The following FREM3 variants were observed in gnomAD, a reference collection of about 807,000 sequenced individuals.
FREM3 encodes the protein FRAS1-related extracellular matrix protein 3.
FREM3 carries 105 observed loss-of-function variants against 129.1 expected under a neutral mutation model. That is an observed-to-expected ratio of 0.81 (90% CI 0.69 to 0.96). The LOEUF (loss-of-function observed/expected upper bound fraction) is 0.96, where lower values mean the gene tolerates loss of function less well. Ranked by LOEUF, FREM3 falls within the 40% of genes least tolerant of loss-of-function variation. FREM3 has a pLI of 0.00. For missense variants in FREM3, 2,593 were observed against 2,666.3 expected, an observed-to-expected ratio of 0.97 and a Z score of 0.61; for synonymous variants, 1,014 against 1,044.9, an observed-to-expected ratio of 0.97 and a Z score of 0.57.
rs748874004 is a variant in FREM3 at position 143,693,179 on chromosome 4, A to G, written c.5209T>C (p.Ser1737Pro). The change falls in exon 2 of 8, where the codon TCC becomes CCC. Residue 1737 changes from serine to proline, a missense_variant. Ser to Pro is a moderately conservative substitution (Grantham distance 74). This residue lies in a region of FREM3 where 2,276 missense variants were observed against 2,267.2 expected (regional missense o/e 1.00). Transcript: ENST00000329798. ...TTGCTGCCCTCATTCAAGACATAGG[A>G]TATCTTCATCTCATCAATGTCAGCT... The part of the protein sequence containing the change: ...TQADIDEMKI[S>P]YVLNEGSNAS... 3 of 1,512,812 alleles carry G rather than the reference A, an allele frequency of 2.0e-6. No individual in the cohort carries two copies. Among genetic ancestry groups the G allele is most frequent in the East Asian group, 2.5e-5 (1 of 40,300 alleles). 93.7% of individuals were successfully genotyped at this position (1,512,812 alleles called of 1,614,324 possible).
chr4:143,661,669 A>G (rs560388513), intron 2 of FREM3, among the ~76,000 whole-genome samples: 56 of 152,312 alleles, frequency 3.7e-4, no homozygotes, highest in African/African-American at 1.3e-3. Flanking sequence ...GAATGGTACC[A>G]GTTCCTTCTT....
At position 143,697,317 on chromosome 4, in the gene FREM3, T is replaced by A; in HGVS notation, c.3359A>T (p.Lys1120Met). ...TTTTGAACCAGGAGCTGATGCAATC[T>A]TTTCCAGGTAGCCAGAGGCTGGCTG... ...TSQPASGYLEKIASAPGSKMS... is the reference protein window; with the variant it reads ...TSQPASGYLEMIASAPGSKMS... The change falls in exon 1 of 8, where the codon AAG becomes ATG. Residue 1120 changes from lysine to methionine, a missense_variant. Physicochemically the swap from Lys to Met is moderately conservative, Grantham distance 95 (BLOSUM62 -1). Transcript: ENST00000329798. The A allele has an allele frequency of 1.3e-6, 2 of 1,537,174 alleles. No individual in the cohort carries two copies. The highest frequency in any genetic ancestry group is 1.7e-6 in the Non-Finnish European group (2 of 1,146,830).
At chr4:143,621,618 TG>T (rs921119680) in intron 4 of FREM3, among the ~76,000 whole-genome samples, 2 of 152,250 alleles carry the variant, frequency 1.3e-5, no homozygotes, top group African/African-American at 4.8e-5. Context: ...GAGCAGACAC[TG>T]TGCTGGTCAT....
chr4:143,587,184 G>A (rs1738257092), intron 6 of FREM3, among the ~76,000 whole-genome samples: 1 of 152,144 alleles, frequency 6.6e-6, no homozygotes, highest in South Asian at 2.1e-4. Context: ...CTCCATCTTT[G>A]TTGATGATGT....
chr4:143,644,472 C>T lies in FREM3; in HGVS notation c.5276-16712G>A, dbSNP rs143926709. Among the ~76,000 whole-genome samples the T allele has an allele frequency of 6.5e-3, 992 of 152,184 alleles. 8 individuals carry two copies. The highest frequency in any genetic ancestry group is 0.022 in the African/African-American group (894 of 41,520). The stretch of plus-strand genomic sequence containing the variant: ...CCTTTACCATGTCTCTGGAGTCAAA[C>T]CTTGTAGATCCCTGGAAATTTGTGA... On this transcript the variant is annotated intron_variant, in intron 2 of 7. Transcript: ENST00000329798.
intron 2 of FREM3, among the ~76,000 whole-genome samples, chr4:143,660,403 G>T (rs1739689181): frequency 6.6e-6 from 1 of 152,092 alleles, no homozygotes; most frequent in Non-Finnish European, 1.5e-5. Context: ...TAGATATGCG[G>T]TGTTATTTCT....
At chr4:143,583,035 C>G (rs1738174720) in intron 7 of FREM3, among the ~76,000 whole-genome samples, 1 of 151,900 alleles carries the variant, frequency 6.6e-6, no homozygotes, top group African/African-American at 2.4e-5. Flanking sequence ...TGCACACCAC[C>G]ATGCCGGGCT....
At chr4:143,695,467 A>G (rs956469149) in intron 1 of FREM3, 24 bp downstream of exon 1, 2 of 1,513,372 alleles carry the variant, frequency 1.3e-6, no homozygotes, top group Non-Finnish European at 1.8e-6. Context: ...GGGACAGAAT[A>G]GGCAGGGAAG....
chr4:143,664,847 G>A (rs938789073), intron 2 of FREM3, among the ~76,000 whole-genome samples: 3 of 152,102 alleles, frequency 2.0e-5, no homozygotes, highest in Non-Finnish European at 2.9e-5. Flanking sequence ...TCAGACTGCC[G>A]TGCTAGCAAT....
At chr4:143,649,423 T>C (rs577910409) in intron 2 of FREM3, 4 of 152,216 alleles carry the variant, frequency 2.6e-5, no homozygotes, top group Non-Finnish European at 4.4e-5. Context: ...GCATAGACTC[T>C]TGTTTGTTTT....
At position 143,693,106 on chromosome 4, in the gene FREM3, G is replaced by A; in HGVS notation, c.5275+7C>T. On this transcript the variant is annotated splice_region_variant and intron_variant, in intron 2 of 7. Transcript: ENST00000329798. ...TGAATCCTTTTGAAGGGTTTATTAT[G>A]ACTTACCATTGTCTTCAACAGAGAA... is the stretch of plus-strand genomic sequence containing the variant. The A allele has an allele frequency of 7.1e-7, 1 of 1,414,930 alleles. No individual in the cohort carries two copies. 87.6% of individuals were successfully genotyped at this position (1,414,930 alleles called of 1,614,324 possible).
intron 7 of FREM3, among the ~76,000 whole-genome samples, chr4:143,583,282 CA>C (rs954023866): frequency 6.6e-6 from 1 of 152,130 alleles, no homozygotes; most frequent in Non-Finnish European, 1.5e-5. Flanking sequence ...AAAGAATGTG[CA>C]AAACTTCTTA....
chr4:143,636,051 G>A (rs1739228085), intron 2 of FREM3, among the ~76,000 whole-genome samples: 1 of 152,054 alleles, frequency 6.6e-6, no homozygotes, highest in Admixed American at 6.6e-5. Context: ...AACATTGTGT[G>A]TGAGAGACCT....
At chr4:143,601,461 G>A (rs1435941285) in intron 6 of FREM3, among the ~76,000 whole-genome samples, 1 of 152,096 alleles carries the variant, frequency 6.6e-6, no homozygotes, top group Non-Finnish European at 1.5e-5. Flanking sequence ...TTTTGTGGCA[G>A]GTTACTAGAG....
At chr4:143,648,308 T>C (rs1578850021) in intron 2 of FREM3, among the ~76,000 whole-genome samples, 2 of 152,356 alleles carry the variant, frequency 1.3e-5, no homozygotes, top group South Asian at 2.1e-4. Flanking sequence ...GATGAGACTT[T>C]GGACTTGGAC....
intron 2 of FREM3, among the ~76,000 whole-genome samples, chr4:143,632,363 G>C (rs934363659): frequency 9.9e-5 from 15 of 152,134 alleles, no homozygotes; most frequent in Non-Finnish European, 1.8e-4. Context: ...AGAGTGGTTA[G>C]AAAAGGCTTT....
Position 143,577,646 on chromosome 4 carries a change from C to A in FREM3, c.6385G>T (p.Asp2129Tyr). ...TTIFIEDTIT[D>Y]CKQSACSSFD ...GAACTACAAGCACTCTGCTTACAGT[C>A]CGTGATGGTGTCCTCGATGAAAATG... is the stretch of plus-strand genomic sequence containing the variant. Residue 2129 changes from aspartate (D) to tyrosine (Y), a missense_variant, in exon 8 of 8, where the codon GAC (aspartate) becomes TAC (tyrosine). By Grantham distance (160) the Asp-to-Tyr change is radical. Coordinates refer to ENST00000329798, the MANE Select transcript of FREM3 (RefSeq NM_001168235.2). 1 of 1,537,346 alleles carries A rather than the reference C, an allele frequency of 6.5e-7. No individual in the cohort carries two copies. The highest frequency in any genetic ancestry group is 8.7e-7 in the Non-Finnish European group (1 of 1,146,920).
intron 2 of FREM3, chr4:143,645,100 CCAG>C (rs1739392625): frequency 1.3e-5 from 2 of 152,174 alleles, no homozygotes; most frequent in Non-Finnish European, 2.9e-5. Flanking sequence ...ACACGAGAGT[CCAG>C]CAGGACTGTG....
intron 2 of FREM3, among the ~76,000 whole-genome samples, chr4:143,672,680 A>G (rs60697646): frequency 0.073 from 11,068 of 152,240 alleles, 1,077 homozygotes; most frequent in African/African-American, 0.21. Flanking sequence ...AATATCCTGC[A>G]GAGTGTTTTC....
Sources: allele counts gnomAD v4.1 joint callset (sites outside exome capture counted in the v4.1 genomes callset), GRCh38; gene constraint gnomAD v4.1.1; regional missense constraint gnomAD v4.1.1; transcripts MANE v1.5; gene names NCBI Gene and HGNC (gene_info 2026-07-23, HGNC 2026-07-21).